ARMH3: variants seen among roughly 807,000 people sequenced by gnomAD.
ARMH3 encodes armadillo like helical domain containing 3.
In ARMH3, 60 loss-of-function variants were observed where a neutral mutation model predicts 99.1. The observed-to-expected ratio is 0.61, with a 90% confidence interval of 0.49 to 0.75. The LOEUF is 0.75. Ranked by LOEUF, ARMH3 falls within the 30% of genes least tolerant of loss-of-function variation. The pLI is 0.00. For synonymous variants in ARMH3, 285 were observed against 292.8 expected, an observed-to-expected ratio of 0.97 and a Z score of 0.27; for missense variants, 679 against 843.1, an observed-to-expected ratio of 0.81 and a Z score of 2.41.
At chr10:101,893,244 C>T (rs192459594) in intron 23 of ARMH3, among the ~76,000 whole-genome samples, 98 of 152,310 alleles carry the variant, frequency 6.4e-4, no homozygotes, top group African/African-American at 2.3e-3. Flanking sequence ...AGGAAAGGAG[C>T]TTCAGTAGTC....
rs143854379 is a variant in ARMH3 at position 101,916,078 on chromosome 10, A to G, written c.1781+23785T>C. Among the ~76,000 whole-genome samples, 9 of 152,280 alleles carry G rather than the reference A, an allele frequency of 5.9e-5. No homozygotes were observed. The East Asian group carries it at 1.7e-3, about 29-fold the overall frequency. ...CCCGGCCTCCCAAAGTGCTGGGATT[A>G]CAGTGTGAGCCAGCACGCCTGGCCT... On this transcript the variant is annotated intron_variant, in intron 23 of 25. Coordinates refer to ENST00000370033, the MANE Select transcript of ARMH3 (RefSeq NM_024541.3).
chr10:101,864,080 C>A (rs866987493), intron 24 of ARMH3, among the ~76,000 whole-genome samples: 1,138 of 113,382 alleles, frequency 0.01, 12 homozygotes, highest in Non-Finnish European at 0.016. Flanking sequence ...AAAAAAAAAA[C>A]ACACACACAC....
At chr10:101,960,171 CCTT>C (rs1476079273) in intron 20 of ARMH3, among the ~76,000 whole-genome samples, 2 of 152,016 alleles carry the variant, frequency 1.3e-5, no homozygotes, top group East Asian at 1.9e-4. Context: ...GAGCAAGACT[CCTT>C]CTCCAAAAAA....
At chr10:101,992,906 C>T (rs1037259651) in intron 17 of ARMH3, among the ~76,000 whole-genome samples, 1 of 152,164 alleles carries the variant, frequency 6.6e-6, no homozygotes, top group Non-Finnish European at 1.5e-5. Flanking sequence ...GTCTTAGCCA[C>T]TCAAAAATTA....
chr10:101,915,981 T>C (rs1457408882), intron 23 of ARMH3, among the ~76,000 whole-genome samples: 1 of 152,008 alleles, frequency 6.6e-6, no homozygotes, highest in South Asian at 2.1e-4. Context: ...TTTTTTTGTA[T>C]TTTTAGTAGA....
intron 22 of ARMH3, 43 bp downstream of exon 22, chr10:101,956,554 A>G (rs1845046884): frequency 6.2e-7 from 1 of 1,602,740 alleles, no homozygotes; most frequent in Non-Finnish European, 8.5e-7. Context: ...GCCAAAAGCT[A>G]GACAAATGGT....
At chr10:101,901,796 T>C (rs112487034) in intron 23 of ARMH3, among the ~76,000 whole-genome samples, 52 of 152,256 alleles carry the variant, frequency 3.4e-4, no homozygotes, top group African/African-American at 1.1e-3. Flanking sequence ...GAAAATGGGA[T>C]AGTTTGGTAA....
At chr10:101,925,367 G>C (rs192518558) in intron 23 of ARMH3, among the ~76,000 whole-genome samples, 3 of 152,288 alleles carry the variant, frequency 2.0e-5, no homozygotes, top group African/African-American at 7.2e-5. Context: ...TATTTTAGGA[G>C]ATAAATTAAG....
At chr10:102,044,910 C>G (rs1396899702) in intron 1 of ARMH3, among the ~76,000 whole-genome samples, 1 of 151,908 alleles carries the variant, frequency 6.6e-6, no homozygotes. Flanking sequence ...CCGAGGCGGG[C>G]AGATCACATG....
intron 23 of ARMH3, among the ~76,000 whole-genome samples, chr10:101,933,227 G>A (rs915486736): frequency 6.6e-6 from 1 of 152,104 alleles, no homozygotes; most frequent in South Asian, 2.1e-4. Flanking sequence ...TTTATGTTAT[G>A]TGTATTTTTA....
intron 19 of ARMH3, among the ~76,000 whole-genome samples, chr10:101,981,937 T>G (rs1191258198): frequency 6.9e-6 from 1 of 144,532 alleles, no homozygotes; most frequent in African/African-American, 2.6e-5. Context: ...GAGAATGGCG[T>G]GAACTTGCAG....
intron 23 of ARMH3, among the ~76,000 whole-genome samples, chr10:101,923,588 A>G (rs1564755735): frequency 6.6e-6 from 1 of 152,230 alleles, no homozygotes; most frequent in Non-Finnish European, 1.5e-5. Context: ...AAGAGAAAAC[A>G]GTGAAGAGCA....
chr10:102,022,228 C>T (rs1449456670), intron 8 of ARMH3, among the ~76,000 whole-genome samples: 1 of 151,728 alleles, frequency 6.6e-6, no homozygotes, highest in African/African-American at 2.4e-5. Flanking sequence ...CACATGACCA[C>T]AAAAAAATCA....
In ARMH3 at chr10:101,847,118, T is replaced by G. The variant is rs1004594254; in HGVS notation, c.*410A>C. 4 of 179,962 alleles carry G rather than the reference T, an allele frequency of 2.2e-5. No individual in the cohort carries two copies. The highest frequency in any genetic ancestry group is 3.5e-5 in the Non-Finnish European group (3 of 84,880). 11.1% of individuals were successfully genotyped at this position (179,962 alleles called of 1,614,324 possible). On this transcript the variant is annotated 3_prime_UTR_variant, in exon 26 of 26. Transcript: ENST00000370033. ...GAAGCAGGATGTAGCTCCAGCTATA[T>G]CTGAGAGTTGATCTGTTTTCAGAAG...
At chr10:101,887,778 T>C (rs2067587936) in intron 24 of ARMH3, among the ~76,000 whole-genome samples, 1 of 151,932 alleles carries the variant, frequency 6.6e-6, no homozygotes, top group South Asian at 2.1e-4. Flanking sequence ...TTGCTATCCT[T>C]TCCCCATTCT....
rs1363401292 is a variant in ARMH3, at chr10:101,957,546, C to G, written c.1578+104G>C. On this transcript the variant is annotated intron_variant, in intron 21 of 25. Transcript: ENST00000370033. ...CCAAAAAATATATATAGGTCTGGTT[C>G]CCTCTATGGCTTAGTCCCCAGACCA... 9.6e-6 allele frequency: 12 copies of G among 1,251,340 alleles called. No individual in the cohort carries two copies. The East Asian group carries it at 2.8e-4, about 30-fold the overall frequency. The allele number at this position is 1,251,340 out of a possible 1,614,324, so 77.5% of individuals were successfully genotyped here. A position where few individuals can be genotyped will look rare whatever the true frequency, so the allele number is the denominator to read the frequency against.
chr10:101,856,750 C>T (rs1342259460), intron 24 of ARMH3, among the ~76,000 whole-genome samples: 1 of 152,038 alleles, frequency 6.6e-6, no homozygotes, highest in African/African-American at 2.4e-5. Context: ...TTTTTTGAAC[C>T]CATTTCTTCC....
At position 101,847,352 on chromosome 10, in the gene ARMH3, G is replaced by A. The variant is rs1183301318; in HGVS notation, c.*176C>T. ...TCCTCCCCAAATAAGATTATCCCTG[G>A]CTTGACCCTCCTGCCCCTGCTGCCC... On this transcript the variant is annotated 3_prime_UTR_variant, in exon 26 of 26. Transcript: ENST00000370033. The A allele has an allele frequency of 9.8e-6, 6 of 609,756 alleles. No individual in the cohort carries two copies. The highest frequency in any genetic ancestry group is 1.7e-5 in the Non-Finnish European group (6 of 344,372). The allele number at this position is 609,756 out of a possible 1,614,324, so 37.8% of individuals were successfully genotyped here.
chr10:101,995,257 G>A (rs1847002634), intron 16 of ARMH3, 40 bp downstream of exon 16: 1 of 1,559,628 alleles, frequency 6.4e-7, no homozygotes, highest in Non-Finnish European at 8.8e-7. Context: ...ATAGCACTTT[G>A]TAAAAGACTG....
Sources: allele counts gnomAD v4.1 joint callset (sites outside exome capture counted in the v4.1 genomes callset), GRCh38; gene constraint gnomAD v4.1.1; transcripts MANE v1.5; gene names NCBI Gene and HGNC (gene_info 2026-07-23, HGNC 2026-07-21).